The following NPHS2 variants were observed in gnomAD, a reference collection of about 807,000 sequenced individuals.
NPHS2 encodes NPHS2 stomatin family member, podocin, also known as podocin.
In NPHS2, 36 loss-of-function variants were observed where a neutral mutation model predicts 37.1. That is an observed-to-expected ratio of 0.97 (90% CI 0.74 to 1.28). The LOEUF (loss-of-function observed/expected upper bound fraction) is 1.28. Ranked by LOEUF, NPHS2 falls within the 50% of genes most tolerant of loss-of-function variation. NPHS2 has a pLI of 0.00. For missense variants in NPHS2, 447 were observed against 488.1 expected (o/e 0.92, Z 0.79); for synonymous variants, 196 against 189.3 (o/e 1.04, Z -0.29).
At chr1:179,554,781 C>T in intron 5 of NPHS2, 2 of 564,912 alleles carry the variant, frequency 3.5e-6, no homozygotes, top group Non-Finnish European at 6.3e-6. Context: ...TATCCCATGT[C>T]CTAATCCCTG....
chr1:179,573,041 A>C (rs1329341862), intron 1 of NPHS2, among the ~76,000 whole-genome samples: 4 of 152,098 alleles, frequency 2.6e-5, no homozygotes, highest in African/African-American at 7.2e-5. Flanking sequence ...TATTTTGCCC[A>C]GGCTGGTCTC....
At chr1:179,565,769 T>C (rs529663726) in intron 1 of NPHS2, among the ~76,000 whole-genome samples, 1 of 147,482 alleles carries the variant, frequency 6.8e-6, no homozygotes, top group East Asian at 2.1e-4. Context: ...CACCGCCCTG[T>C]GTCCAAGTGA....
At chr1:179,570,241 G>GAC (rs1027317515) in intron 1 of NPHS2, among the ~76,000 whole-genome samples, 1 of 152,142 alleles carries the variant, frequency 6.6e-6, no homozygotes, top group African/African-American at 2.4e-5. Context: ...GGAATTTAAA[G>GAC]ACACACACAC....
intron 1 of NPHS2, among the ~76,000 whole-genome samples, chr1:179,565,982 T>G (rs1467916735): frequency 1.3e-5 from 2 of 151,906 alleles, no homozygotes; most frequent in African/African-American, 4.8e-5. Flanking sequence ...TGATGGACAT[T>G]TGGGTTCCAA....
rs766878036 is a variant in NPHS2 at position 179,575,859 on chromosome 1, C to A, written c.6G>T (p.Glu2Asp). 7.0e-7 allele frequency: 1 copy of A among 1,418,786 alleles called. No homozygotes were observed. The highest frequency in any genetic ancestry group is 9.1e-7 in the Non-Finnish European group (1 of 1,095,028). The allele number at this position is 1,418,786 out of a possible 1,614,324, so 87.9% of individuals were successfully genotyped here. A position where few individuals can be genotyped will look rare whatever the true frequency, so the allele number is the denominator to read the frequency against. ...CCCTGGAGGAGCTCCGCGCCCTCCT[C>A]TCCATCCTCAGAGCTGCCGGGCGGC... M[E>D]RRARSSSRES... The change falls in exon 1 of 8, where the codon GAG (glutamate) becomes GAT (aspartate). Residue 2 changes from glutamate (E) to aspartate (D), a missense_variant. Coordinates refer to ENST00000367615, the MANE Select transcript of NPHS2 (RefSeq NM_014625.4).
In NPHS2 at chr1:179,559,740, C is replaced by A. The variant is rs1213468968; in HGVS notation, c.473G>T (p.Cys158Phe). The A allele has an allele frequency of 2.5e-6, 4 of 1,587,788 alleles. No individual in the cohort carries two copies. The highest frequency in any genetic ancestry group is 3.4e-6 in the Non-Finnish European group (4 of 1,164,320). The stretch of plus-strand genomic sequence containing the variant: ...GTCAACCTTGTGGTAGGTATCCAGG[C>A]AGGGCAAAAAAAAGAAAAGACCTAA... ...KGPGLFFFLP[C>F]LDTYHKVDLR... The change falls in exon 4 of 8, where the codon TGC becomes TTC. Residue 158 changes from cysteine (C) to phenylalanine (F), a missense_variant. Cys to Phe is a radical substitution (Grantham distance 205). Coordinates refer to ENST00000367615, the MANE Select transcript of NPHS2 (RefSeq NM_014625.4).
At chr1:179,559,838 G>T (rs1179258893) in intron 3 of NPHS2, 77 bp from the exon 4 acceptor site, 3 of 883,840 alleles carry the variant, frequency 3.4e-6, no homozygotes, top group East Asian at 2.7e-5. Context: ...CTGGGGTCAG[G>T]TTGCACACTA....
rs1475725814 is a variant in NPHS2, at chr1:179,575,880, G to A, written c.-16C>T. ...TCCTCTCCATCCTCAGAGCTGCCGG[G>A]CGGCTGGAGCAGCAGCGCGGGAGCG... On this transcript the variant is annotated 5_prime_UTR_variant, in exon 1 of 8. Coordinates refer to ENST00000367615, the MANE Select transcript of NPHS2 (RefSeq NM_014625.4). 1 of 1,393,006 alleles carries A rather than the reference G, an allele frequency of 7.2e-7. No individual in the cohort carries two copies. The allele number at this position is 1,393,006 out of a possible 1,614,324, so 86.3% of individuals were successfully genotyped here.
intron 4 of NPHS2, 75 bp from the exon 5 acceptor site, chr1:179,557,305 G>T: frequency 8.6e-7 from 1 of 1,157,182 alleles, no homozygotes; most frequent in Non-Finnish European, 1.3e-6. Context: ...GGAACTAAAT[G>T]TGTTCAAAGT....
rs1673789444 is a variant in NPHS2, at chr1:179,554,505, A to G, written c.765T>C (p.Ile255=). The G allele has an allele frequency of 1.2e-6, 2 of 1,614,150 alleles. No homozygotes were observed. The highest frequency in any genetic ancestry group is 1.3e-5 in the African/African-American group (1 of 75,040). The change falls in exon 6 of 8, where the codon ATT becomes ATC. Residue 255 remains isoleucine, a synonymous_variant. Transcript: ENST00000367615. Reference sequence around the variant, plus strand: ...CTATTCTCTCCACTTTGATTCCCCAAATACAGGTCACTGAATCCAAGGCAA... The same window carrying G: ...CTATTCTCTCCACTTTGATTCCCCAGATACAGGTCACTGAATCCAAGGCAA... ...AKVALDSVTC[I]WGIKVERIEI...
chr1:179,566,806 A>T (rs571470156), intron 1 of NPHS2, among the ~76,000 whole-genome samples: 1 of 152,170 alleles, frequency 6.6e-6, no homozygotes, highest in Non-Finnish European at 1.5e-5. Context: ...TCCCAGCACG[A>T]TTTATTAAAT....
chr1:179,551,507 C>T, intron 7 of NPHS2, 56 bp from the exon 8 acceptor site: 3 of 1,602,308 alleles, frequency 1.9e-6, no homozygotes, highest in Non-Finnish European at 2.6e-6. Context: ...GAAGGCTTCA[C>T]CACTATGCAG....
At chr1:179,561,007 A>G (rs535395469) in intron 3 of NPHS2, among the ~76,000 whole-genome samples, 1 of 152,296 alleles carries the variant, frequency 6.6e-6, no homozygotes, top group South Asian at 2.1e-4. Context: ...TCGTACTCAA[A>G]TCAGTCCCCA....
chr1:179,558,602 G>A (rs764154916), intron 4 of NPHS2, among the ~76,000 whole-genome samples: 6 of 152,076 alleles, frequency 3.9e-5, no homozygotes, highest in Non-Finnish European at 5.9e-5. Context: ...ATATGCAGAA[G>A]TGGAATTGCT....
intron 6 of NPHS2, 51 bp downstream of exon 6, chr1:179,554,425 C>G (rs755461314): frequency 5.6e-6 from 9 of 1,605,836 alleles, no homozygotes; most frequent in Non-Finnish European, 6.8e-6. Context: ...AAAATGAAAC[C>G]AGAATATTTT....
chr1:179,564,791 T>G lies in NPHS2; in HGVS notation c.277A>C (p.Thr93Pro), dbSNP rs1250341232. 1 of 1,612,320 alleles carries G rather than the reference T, an allele frequency of 6.2e-7. No individual in the cohort carries two copies. The highest frequency in any genetic ancestry group is 2.2e-5 in the East Asian group (1 of 44,884). Reference protein sequence around the residue: ...LLESERPEEGTKSSGLGACEW... With the variant: ...LLESERPEEGPKSSGLGACEW... ...CAGGCCCCTAAGCCGGAGGATTTGG[T>G]ACCTTAAAAAAATTAAAGCAAAAGA... Residue 93 changes from threonine (T) to proline (P), a missense_variant and splice_region_variant, in exon 2 of 8, where the codon ACC (threonine) becomes CCC (proline). Thr to Pro is a conservative substitution (Grantham distance 38). Coordinates refer to ENST00000367615, the MANE Select transcript of NPHS2 (RefSeq NM_014625.4).
At chr1:179,573,433 G>C (rs1674638911) in intron 1 of NPHS2, among the ~76,000 whole-genome samples, 2 of 152,206 alleles carry the variant, frequency 1.3e-5, no homozygotes, top group South Asian at 4.1e-4. Context: ...GGAGTTCCCA[G>C]TGCTCTTCAG....
chr1:179,575,887 G>T lies in NPHS2; in HGVS notation c.-23C>A. ...CATCCTCAGAGCTGCCGGGCGGCTG[G>T]AGCAGCAGCGCGGGAGCGCTAGGGG... On this transcript the variant is annotated 5_prime_UTR_variant, in exon 1 of 8. Transcript: ENST00000367615. The T allele has an allele frequency of 7.2e-7, 1 of 1,385,106 alleles. No individual in the cohort carries two copies. Among genetic ancestry groups the T allele is most frequent in the East Asian group, 2.8e-5 (1 of 35,698 alleles). The allele number at this position is 1,385,106 out of a possible 1,614,324, so 85.8% of individuals were successfully genotyped here. A position where few individuals can be genotyped will look rare whatever the true frequency, so the allele number is the denominator to read the frequency against.
intron 1 of NPHS2, among the ~76,000 whole-genome samples, chr1:179,573,278 C>A (rs996802226): frequency 1.3e-5 from 2 of 152,164 alleles, no homozygotes; most frequent in African/African-American, 4.8e-5. Context: ...TGCACCAGCA[C>A]AAAAACAAAA....
Sources: allele counts gnomAD v4.1 joint callset (sites outside exome capture counted in the v4.1 genomes callset), GRCh38; gene constraint gnomAD v4.1.1; transcripts MANE v1.5; gene names NCBI Gene and HGNC (gene_info 2026-07-23, HGNC 2026-07-21).